The following RAP1GAP2 variants were observed in gnomAD, a reference collection of about 807,000 sequenced individuals.
RAP1GAP2 encodes rap1 GTPase-activating protein 2.
A neutral mutation model predicts 95.0 loss-of-function variants in RAP1GAP2; 27 were observed. The observed-to-expected ratio is 0.28, with a 90% CI of 0.21 to 0.39. The LOEUF (loss-of-function observed/expected upper bound fraction) is 0.39, where lower values mean the gene tolerates loss of function less well. Ranked by LOEUF, RAP1GAP2 falls within the 10% of genes least tolerant of loss-of-function variation. The pLI, the probability that RAP1GAP2 is intolerant of heterozygous loss-of-function variation, is 1.00. For missense variants in RAP1GAP2, 771 were observed against 970.0 expected (o/e 0.79, Z 2.72); for synonymous variants, 373 against 380.9 (o/e 0.98, Z 0.24).
chr17:2,882,380 C>T (rs1597502313), intron 2 of RAP1GAP2, among the ~76,000 whole-genome samples: 3 of 152,006 alleles, frequency 2.0e-5, no homozygotes, highest in South Asian at 4.1e-4. Context: ...CAGCCTCCAC[C>T]TCCCAGGTTC....
intron 2 of RAP1GAP2, among the ~76,000 whole-genome samples, chr17:2,889,981 C>T (rs1443651897): frequency 6.7e-6 from 1 of 148,778 alleles, no homozygotes; most frequent in Non-Finnish European, 1.5e-5. Flanking sequence ...GCTTTGGCCT[C>T]CCAAAGTGCT....
At chr17:2,853,951 CG>C (rs1597444133) in intron 2 of RAP1GAP2, 1 of 982,608 alleles carries the variant, frequency 1.0e-6, no homozygotes, top group East Asian at 1.1e-4. Flanking sequence ...GCCGGGGCTG[CG>C]GGGACGCGGG....
chr17:2,952,725 G>A (rs2043961653), intron 3 of RAP1GAP2, among the ~76,000 whole-genome samples: 1 of 152,150 alleles, frequency 6.6e-6, no homozygotes, highest in South Asian at 2.1e-4. Context: ...CATAACTAGA[G>A]AGGTTGGGTT....
intron 1 of RAP1GAP2, among the ~76,000 whole-genome samples, chr17:2,769,369 C>T (rs1472358027): frequency 1.4e-5 from 2 of 145,490 alleles, no homozygotes; most frequent in African/African-American, 5.0e-5. Flanking sequence ...TCCTGGCTAA[C>T]ACGGTGAAAC....
intron 1 of RAP1GAP2, among the ~76,000 whole-genome samples, chr17:2,769,582 T>TAAATA (rs536530028): frequency 3.8e-4 from 57 of 150,852 alleles, no homozygotes; most frequent in East Asian, 2.1e-3. Flanking sequence ...TGAAATAACA[T>TAAATA]AAATAAAATA....
intron 16 of RAP1GAP2, among the ~76,000 whole-genome samples, chr17:3,006,719 C>A (rs544535172): frequency 1.3e-5 from 2 of 152,162 alleles, no homozygotes; most frequent in East Asian, 1.9e-4. Context: ...AGGCGTGAGC[C>A]ACTGCGCCTG....
intron 2 of RAP1GAP2, among the ~76,000 whole-genome samples, chr17:2,894,419 G>T (rs2073819671): frequency 6.6e-6 from 1 of 152,268 alleles, no homozygotes; most frequent in African/African-American, 2.4e-5. Context: ...GACAGAGCGA[G>T]ACTCCGTTTC....
upstream of RAP1GAP2, among the ~76,000 whole-genome samples, chr17:2,794,447 G>A (rs987773002): frequency 1.8e-4 from 28 of 152,284 alleles, no homozygotes; most frequent in African/African-American, 4.8e-4. Flanking sequence ...GGAGAGAGGC[G>A]CTTGTGGCAC....
chr17:3,020,688 A>G (rs2046931648), intron 19 of RAP1GAP2, 93 bp downstream of exon 19: 3 of 1,155,876 alleles, frequency 2.6e-6, no homozygotes, highest in Non-Finnish European at 3.8e-6. Flanking sequence ...CCTTGCAGGG[A>G]GGAGCTTTGC....
chr17:2,822,048 G>A (rs953207948), intron 2 of RAP1GAP2, among the ~76,000 whole-genome samples: 7 of 152,096 alleles, frequency 4.6e-5, no homozygotes, highest in Admixed American at 6.6e-5. Flanking sequence ...CTGGTGTCTG[G>A]GGCAGTGAGG....
At chr17:2,913,934 A>C (rs544521824) in intron 3 of RAP1GAP2, among the ~76,000 whole-genome samples, 28 of 151,446 alleles carry the variant, frequency 1.8e-4, no homozygotes, top group African/African-American at 6.3e-4. Context: ...GCAGTGACGC[A>C]ATCTCTGCTC....
intron 14 of RAP1GAP2, 127 bp downstream of exon 14, chr17:2,998,503 G>A (rs1314689233): frequency 1.6e-5 from 19 of 1,217,148 alleles, no homozygotes; most frequent in East Asian, 5.1e-5. Flanking sequence ...GGTTTCTGGG[G>A]TTTGGAGCTA....
intron 2 of RAP1GAP2, among the ~76,000 whole-genome samples, chr17:2,812,771 C>G (rs142705424): frequency 0.025 from 3,814 of 152,106 alleles, 115 homozygotes; most frequent in East Asian, 0.14. Flanking sequence ...GGGTGGATCA[C>G]CTGAGGTCAG....
At chr17:2,927,617 C>T (rs994291052) in intron 3 of RAP1GAP2, among the ~76,000 whole-genome samples, 2 of 152,204 alleles carry the variant, frequency 1.3e-5, no homozygotes, top group Non-Finnish European at 2.9e-5. Context: ...TCCCCCTTGC[C>T]GTGTAACCTC....
chr17:2,821,456 A>T (rs1471315186), intron 2 of RAP1GAP2, among the ~76,000 whole-genome samples: 1 of 147,616 alleles, frequency 6.8e-6, no homozygotes, highest in Non-Finnish European at 1.5e-5. Flanking sequence ...GTTCACTGCA[A>T]CCTCCACCTC....
chr17:2,980,261 GT>G, intron 8 of RAP1GAP2, 25 bp from the exon 9 acceptor site: 1 of 1,611,786 alleles, frequency 6.2e-7, no homozygotes, highest in Non-Finnish European at 8.5e-7. Flanking sequence ...TCTTAGGGAT[GT>G]CCTTTTTTCT....
intron 3 of RAP1GAP2, among the ~76,000 whole-genome samples, chr17:2,935,255 C>T (rs1375546080): frequency 6.6e-6 from 1 of 152,164 alleles, no homozygotes; most frequent in Non-Finnish European, 1.5e-5. Context: ...CACCTGTAAT[C>T]CCAGCACTCT....
rs2044534405 is a variant in RAP1GAP2, at chr17:2,965,145, C to G, written c.493-395C>G. ...CGCCCCATGGGAATGAGAATGTGGA[C>G]TCGGTATCTTGTGGTTAAGAACTTG... On this transcript the variant is annotated intron_variant, in intron 7 of 24. Transcript: ENST00000254695. This position sits in a 1 kb window ranked among gnomAD's most constrained non-coding sequence, Gnocchi z 4.7. The G allele has an allele frequency of 5.0e-6, 1 of 199,912 alleles. No homozygotes were observed. The highest frequency in any genetic ancestry group is 2.3e-5 in the African/African-American group (1 of 43,456). 12.4% of individuals were successfully genotyped at this position (199,912 alleles called of 1,614,324 possible).
intron 11 of RAP1GAP2, among the ~76,000 whole-genome samples, 164 bp downstream of exon 11, chr17:2,985,230 C>G (rs2045512605): frequency 1.3e-5 from 2 of 152,014 alleles, no homozygotes; most frequent in African/African-American, 4.8e-5. Flanking sequence ...CAGAACTTTC[C>G]AGCAAGGGTA....
Sources: allele counts gnomAD v4.1 joint callset (sites outside exome capture counted in the v4.1 genomes callset), GRCh38; gene constraint gnomAD v4.1.1; non-coding constraint Gnocchi (gnomAD v3.1); transcripts MANE v1.5; gene names NCBI Gene and HGNC (gene_info 2026-07-23, HGNC 2026-07-21).